SOX5: variants seen among roughly 807,000 people sequenced by gnomAD.
SOX5 encodes SRY-box transcription factor 5.
Under a neutral mutation model 92.0 loss-of-function variants are expected in SOX5, and 9 were observed. The ratio of observed to expected loss-of-function variants is 0.10; its 90% CI spans 0.06 to 0.17. SOX5 has a LOEUF of 0.17. Ranked by LOEUF, SOX5 falls within the 10% of genes least tolerant of loss-of-function variation. The pLI is 1.00. For synonymous variants in SOX5, 344 were observed against 336.3 expected, an observed-to-expected ratio of 1.02 and a Z score of -0.25; for missense variants, 642 against 944.5, an observed-to-expected ratio of 0.68 and a Z score of 4.20.
chr12:23,998,367 T>C (rs913140804), intron 4 of SOX5, among the ~76,000 whole-genome samples: 1 of 152,168 alleles, frequency 6.6e-6, no homozygotes, highest in Non-Finnish European at 1.5e-5. Context: ...ATTTTGAAGA[T>C]AGATCAATTG....
At chr12:24,414,907 C>T (rs1323371791) in intron 1 of SOX5, among the ~76,000 whole-genome samples, 1 of 152,106 alleles carries the variant, frequency 6.6e-6, no homozygotes, top group Non-Finnish European at 1.5e-5. Context: ...ATTTCTACTC[C>T]AAATCCCCAG....
chr12:24,259,397 C>G (rs916143552), intron 3 of SOX5, among the ~76,000 whole-genome samples: 5 of 152,174 alleles, frequency 3.3e-5, no homozygotes, highest in Admixed American at 2.0e-4. Context: ...GCTATTAACA[C>G]AGTTCAATGC....
chr12:23,874,246 T>C (rs1368496406), intron 2 of SOX5, among the ~76,000 whole-genome samples: 1 of 152,208 alleles, frequency 6.6e-6, no homozygotes, highest in African/African-American at 2.4e-5. Context: ...AACATTCTCA[T>C]TAAAAATAAA....
rs2097214899 is a variant in SOX5 at position 23,899,962 on chromosome 12, G to C, written c.39-3938C>G. On this transcript the variant is annotated intron_variant, in intron 1 of 14. Transcript: ENST00000451604. Reference sequence around the variant, plus strand: ...GTATCTGAGAGCTTCTTGAGGACCAGAGTATCCTTAAATGCCTCACAGAAT... The same window carrying C: ...GTATCTGAGAGCTTCTTGAGGACCACAGTATCCTTAAATGCCTCACAGAAT... Among the ~76,000 whole-genome samples the C allele has an allele frequency of 2.0e-5, 3 of 152,158 alleles. No individual in the cohort carries two copies. In the South Asian group the frequency reaches 6.2e-4, roughly 32 times the overall value.
At chr12:24,065,539 C>T (rs774262719) in intron 4 of SOX5, among the ~76,000 whole-genome samples, 3 of 149,646 alleles carry the variant, frequency 2.0e-5, no homozygotes, top group Non-Finnish European at 2.9e-5. Flanking sequence ...CCCAGCTACT[C>T]AGGAGTCTGA....
intron 6 of SOX5, among the ~76,000 whole-genome samples, chr12:23,714,638 C>CA (rs200927218): frequency 0.031 from 4,748 of 150,976 alleles, 85 homozygotes; most frequent in African/African-American, 0.055. Flanking sequence ...AAGCAAACAA[C>CA]AAAAAAAACC....
chr12:24,049,688 A>G (rs1464858410), intron 4 of SOX5, among the ~76,000 whole-genome samples: 1 of 134,562 alleles, frequency 7.4e-6, no homozygotes, highest in Non-Finnish European at 1.5e-5. Flanking sequence ...TAGGGGGAGA[A>G]TCCCAGAAAT....
At chr12:24,376,191 C>G (rs1957242720) in intron 1 of SOX5, among the ~76,000 whole-genome samples, 1 of 152,198 alleles carries the variant, frequency 6.6e-6, no homozygotes, top group African/African-American at 2.4e-5. Context: ...CGTCATTGCT[C>G]CTTTTACAAA....
At chr12:24,018,955 T>C (rs1953986362) in intron 4 of SOX5, among the ~76,000 whole-genome samples, 1 of 152,058 alleles carries the variant, frequency 6.6e-6, no homozygotes, top group Admixed American at 6.6e-5. Flanking sequence ...GCAAACACAA[T>C]ATAACATTGA....
chr12:23,599,069 G>A (rs559626339), intron 9 of SOX5, among the ~76,000 whole-genome samples: 15 of 152,290 alleles, frequency 9.8e-5, no homozygotes, highest in Non-Finnish European at 2.1e-4. Flanking sequence ...ACTTGATAGC[G>A]TGAAACTATG....
rs76320418 is a variant in SOX5 at position 24,074,630 on chromosome 12, C to CAAAAAAAAAAAAAAAAA, written c.-2+138696_-2+138712dup. 7.2e-4 allele frequency among the ~76,000 whole-genome samples: 37 copies of CAAAAAAAAAAAAAAAAA among 51,274 alleles called. 1 individual carries two copies. The highest frequency in any genetic ancestry group is 2.1e-3 in the South Asian group (2 of 972). The allele number at this position is 51,274 out of a possible 152,430, so 33.6% of individuals were successfully genotyped here. A position where few individuals can be genotyped will look rare whatever the true frequency, so the allele number is the denominator to read the frequency against. The stretch of plus-strand genomic sequence containing the variant: ...CTTAGTGTTTATTTCTGTAAACTAC[C>CAAAAAAAAAAAAAAAAA]AAAAAAAAAAAAAAAAAAAAAAAGC... On this transcript the variant is annotated intron_variant, in intron 4 of 4. Coordinates refer to the SOX5 transcript ENST00000446891.
chr12:23,799,045 T>C lies in SOX5; in HGVS notation c.482-43321A>G, dbSNP rs1471089852. Among the ~76,000 whole-genome samples, 5 of 151,940 alleles carry C rather than the reference T, an allele frequency of 3.3e-5. No individual in the cohort carries two copies. In the East Asian group the frequency reaches 7.7e-4, roughly 23 times the overall value. On this transcript the variant is annotated intron_variant, in intron 3 of 14. Transcript: ENST00000451604. ...ACTTCTTCCCTCCTGCTCAACATAG[T>C]AATACTTACAAAAGGTCCTATCTCT...
At chr12:23,817,146 G>T (rs1786305120) in intron 3 of SOX5, among the ~76,000 whole-genome samples, 1 of 152,110 alleles carries the variant, frequency 6.6e-6, no homozygotes, top group Admixed American at 6.6e-5. Context: ...ATGAATTTTG[G>T]CTAAGCATAT....
At chr12:23,769,945 G>A (rs1164391989) in intron 3 of SOX5, among the ~76,000 whole-genome samples, 2 of 151,626 alleles carry the variant, frequency 1.3e-5, no homozygotes, top group Non-Finnish European at 2.9e-5. Context: ...GGCTCCCAGG[G>A]ATGTATTTAT....
chr12:24,166,423 A>C (rs1406195067), intron 4 of SOX5, among the ~76,000 whole-genome samples: 1 of 152,176 alleles, frequency 6.6e-6, no homozygotes, highest in Non-Finnish European at 1.5e-5. Flanking sequence ...ACGTTGATAA[A>C]TGAAATCTTG....
chr12:23,894,276 C>T (rs999222296), intron 2 of SOX5, among the ~76,000 whole-genome samples: 1 of 152,042 alleles, frequency 6.6e-6, no homozygotes, highest in Non-Finnish European at 1.5e-5. Context: ...TCACCAGGCT[C>T]GAGTGTAGTG....
intron 1 of SOX5, among the ~76,000 whole-genome samples, chr12:23,903,382 C>T (rs573925606): frequency 4.3e-4 from 66 of 152,206 alleles, no homozygotes; most frequent in African/African-American, 1.2e-3. Flanking sequence ...CCCTGGAATT[C>T]GACACCAGCC....
intron 1 of SOX5, among the ~76,000 whole-genome samples, chr12:24,389,916 C>T (rs914072107): frequency 1.3e-5 from 2 of 152,124 alleles, no homozygotes; most frequent in Non-Finnish European, 2.9e-5. Context: ...TGTAGCTATC[C>T]TAGTGTGAAG....
At chr12:24,309,088 CA>C (rs1277709809) in intron 2 of SOX5, among the ~76,000 whole-genome samples, 3 of 152,198 alleles carry the variant, frequency 2.0e-5, no homozygotes, top group African/African-American at 7.2e-5. Flanking sequence ...ATAGAAACTG[CA>C]GAGAGCAGTA....
Sources: gnomAD v4.1 joint callset for allele counts (sites outside exome capture counted in the v4.1 genomes callset) on GRCh38, gnomAD v4.1.1 for gene constraint, MANE v1.5 for transcripts, NCBI Gene and HGNC (gene_info 2026-07-23, HGNC 2026-07-21) for gene names.